FMN1: variants seen among roughly 807,000 people sequenced by gnomAD.
FMN1 encodes the protein formin 1, also known as formin-1.
Under a neutral mutation model 132.4 loss-of-function variants are expected in FMN1, and 110 were observed. The observed-to-expected ratio is 0.83, with a 90% confidence interval of 0.71 to 0.97. FMN1 has a LOEUF of 0.97. FMN1 is among the 50% of genes least tolerant of loss of function. The pLI, the probability that FMN1 is intolerant of heterozygous loss-of-function variation, is 0.00. For synonymous variants in FMN1, 722 were observed against 651.7 expected, an observed-to-expected ratio of 1.11 and a Z score of -1.64; for missense variants, 1,792 against 1,705.3, an observed-to-expected ratio of 1.05 and a Z score of -0.90.
intron 9 of FMN1, among the ~76,000 whole-genome samples, chr15:32,957,004 AAC>A (rs1186701339): frequency 1.3e-5 from 2 of 152,180 alleles, no homozygotes; most frequent in Non-Finnish European, 2.9e-5. Context: ...ACAAAATTTC[AAC>A]AGACTAGTAT....
intron 5 of FMN1, among the ~76,000 whole-genome samples, chr15:33,079,978 C>T (rs940409747): frequency 6.6e-6 from 1 of 152,176 alleles, no homozygotes. Context: ...GACACATGAT[C>T]TGTCTCTCAT....
chr15:33,157,263 C>CA (rs57411775), intron 3 of FMN1, among the ~76,000 whole-genome samples: 59,241 of 120,194 alleles, frequency 0.49, 13,293 homozygotes, highest in Admixed American at 0.56. Context: ...GACTCCATCT[C>CA]AAAAAAAAAA....
chr15:33,110,067 AAC>A (rs2039640503), intron 4 of FMN1, among the ~76,000 whole-genome samples: 1 of 152,084 alleles, frequency 6.6e-6, no homozygotes, highest in South Asian at 2.1e-4. Context: ...AATTTGGAGA[AAC>A]AATTTGGTAA....
At chr15:33,163,881 T>C (rs1280891593) in intron 3 of FMN1, among the ~76,000 whole-genome samples, 1 of 151,970 alleles carries the variant, frequency 6.6e-6, no homozygotes, top group Non-Finnish European at 1.5e-5. Context: ...GCCTCCCAAA[T>C]TGCTGGGATT....
chr15:33,037,538 C>T (rs1042987221), intron 6 of FMN1, among the ~76,000 whole-genome samples: 2 of 152,148 alleles, frequency 1.3e-5, no homozygotes, highest in African/African-American at 4.8e-5. Flanking sequence ...TAACCTTAGG[C>T]TCTGGTTATA....
chr15:33,111,446 T>C (rs1352694051), intron 4 of FMN1, among the ~76,000 whole-genome samples: 2 of 152,096 alleles, frequency 1.3e-5, no homozygotes, highest in African/African-American at 2.4e-5. Flanking sequence ...AAATCAAGAA[T>C]TAGAATACAA....
At chr15:32,906,731 G>C (rs1231193289) in intron 12 of FMN1, among the ~76,000 whole-genome samples, 3 of 152,162 alleles carry the variant, frequency 2.0e-5, no homozygotes, top group Non-Finnish European at 4.4e-5. Flanking sequence ...TGTTATAATA[G>C]GAAATATGAC....
At chr15:32,967,195 A>C (rs2031320605) in intron 8 of FMN1, among the ~76,000 whole-genome samples, 1 of 152,246 alleles carries the variant, frequency 6.6e-6, no homozygotes, top group Admixed American at 6.5e-5. Context: ...AGGAGGAAAC[A>C]ATGTAGACAA....
intron 5 of FMN1, among the ~76,000 whole-genome samples, chr15:33,066,195 G>A (rs1486514183): frequency 2.6e-5 from 4 of 152,178 alleles, no homozygotes; most frequent in Non-Finnish European, 5.9e-5. Context: ...CTGCCATCTT[G>A]CATCATTTCC....
intron 19 of FMN1, among the ~76,000 whole-genome samples, chr15:32,798,544 C>T (rs1289069834): frequency 6.6e-6 from 1 of 152,192 alleles, no homozygotes; most frequent in Admixed American, 6.5e-5. Context: ...TTAGCACAAC[C>T]CTCCTTTCAT....
At chr15:33,121,506 G>A (rs1228431384) in intron 4 of FMN1, among the ~76,000 whole-genome samples, 2 of 152,092 alleles carry the variant, frequency 1.3e-5, no homozygotes, top group Non-Finnish European at 2.9e-5. Context: ...TCCCAGTAAA[G>A]TACATAGTTG....
At chr15:32,856,482 C>G (rs937563824) in intron 17 of FMN1, among the ~76,000 whole-genome samples, 2 of 152,216 alleles carry the variant, frequency 1.3e-5, no homozygotes, top group African/African-American at 4.8e-5. Flanking sequence ...CAGCACATCA[C>G]TTTCACTGAC....
intron 17 of FMN1, among the ~76,000 whole-genome samples, chr15:32,848,086 C>T (rs2058903298): frequency 2.0e-5 from 3 of 151,484 alleles, no homozygotes; most frequent in African/African-American, 4.9e-5. Context: ...AATGAAGAGC[C>T]CAAATGAAAT....
At chr15:32,799,017 A>C in intron 18 of FMN1, 64 bp from the exon 19 acceptor site, 52 of 1,371,616 alleles carry the variant, frequency 3.8e-5, no homozygotes, top group East Asian at 2.1e-4. Flanking sequence ...ACTAAAATCC[A>C]TTAGAGGGGG....
chr15:32,896,666 G>C (rs919074427), intron 15 of FMN1, among the ~76,000 whole-genome samples: 40 of 152,038 alleles, frequency 2.6e-4, no homozygotes, highest in African/African-American at 8.7e-4. Flanking sequence ...TGCAGTATTT[G>C]CCCTTCTGTG....
intron 6 of FMN1, among the ~76,000 whole-genome samples, chr15:33,020,341 A>G (rs1243517871): frequency 7.6e-6 from 1 of 131,468 alleles, no homozygotes; most frequent in Non-Finnish European, 1.6e-5. Flanking sequence ...CCCCCCCACC[A>G]GATTCGGTCA....
At chr15:33,134,708 T>G (rs1299939928) in intron 4 of FMN1, among the ~76,000 whole-genome samples, 1 of 152,146 alleles carries the variant, frequency 6.6e-6, no homozygotes, top group African/African-American at 2.4e-5. Flanking sequence ...TCTGAAAAAT[T>G]TAAAAATGGA....
chr15:33,128,736 T>C (rs1241446363), intron 4 of FMN1, among the ~76,000 whole-genome samples: 1 of 151,944 alleles, frequency 6.6e-6, no homozygotes, highest in Non-Finnish European at 1.5e-5. Context: ...CTCTTAAAGG[T>C]GATGTGGTGA....
At chr15:33,058,522 T>C (rs2037338513) in intron 6 of FMN1, among the ~76,000 whole-genome samples, 1 of 152,240 alleles carries the variant, frequency 6.6e-6, no homozygotes, top group Non-Finnish European at 1.5e-5. Context: ...TCACCTTAAC[T>C]TTCCAAGAAT....
Sources: gnomAD v4.1 joint callset for allele counts (sites outside exome capture counted in the v4.1 genomes callset) on GRCh38, gnomAD v4.1.1 for gene constraint, MANE v1.5 for transcripts, NCBI Gene and HGNC (gene_info 2026-07-23, HGNC 2026-07-21) for gene names.